LRRC19: variants seen among roughly 807,000 people sequenced by gnomAD.
LRRC19 encodes leucine-rich repeat-containing protein 19.
Under a neutral mutation model 33.3 loss-of-function variants are expected in LRRC19, and 33 were observed. The observed-to-expected ratio is 0.99, with a 90% CI of 0.75 to 1.33. LRRC19 has a LOEUF of 1.33. Ranked by LOEUF, LRRC19 falls within the 40% of genes most tolerant of loss-of-function variation. The probability of loss-of-function intolerance (pLI) is 0.00; values close to 1 mark genes in which losing one functional copy is unlikely to be tolerated. For synonymous variants in LRRC19, 184 were observed against 152.3 expected (o/e 1.21, Z -1.53); for missense variants, 463 against 417.3 (o/e 1.11, Z -0.95).
rs760597069 is a variant in LRRC19, at chr9:26,993,901, T to C, written c.*1620A>G. 1 of 152,208 alleles carries C rather than the reference T, an allele frequency of 6.6e-6. No individual in the cohort carries two copies. The highest frequency in any genetic ancestry group is 1.5e-5 in the Non-Finnish European group (1 of 68,022). The allele number at this position is 152,208 out of a possible 1,614,324, so 9.4% of individuals were successfully genotyped here. A position where few individuals can be genotyped will look rare whatever the true frequency, so the allele number is the denominator to read the frequency against. On this transcript the variant is annotated 3_prime_UTR_variant, in exon 5 of 5. Transcript: ENST00000380055. ...ATTATTTCAGAGATATACATATTTG[T>C]AAAAGATGTAAATTCTTAATTTCTC...
At chr9:27,002,203 C>T (rs1240115478) in intron 1 of LRRC19, among the ~76,000 whole-genome samples, 1 of 152,198 alleles carries the variant, frequency 6.6e-6, no homozygotes, top group Non-Finnish European at 1.5e-5. Context: ...GCCATTTTGG[C>T]TCACTGCAAC....
intron 4 of LRRC19, 92 bp downstream of exon 4, chr9:26,996,219 A>AT (rs1282213772): frequency 1.3e-4 from 107 of 828,614 alleles, no homozygotes; most frequent in Non-Finnish European, 1.7e-4. Context: ...TTTCTTTTAC[A>AT]TTTTTTATAC....
At chr9:27,004,438 C>T (rs1157804680) in intron 1 of LRRC19, among the ~76,000 whole-genome samples, 2 of 152,146 alleles carry the variant, frequency 1.3e-5, no homozygotes. Context: ...TGAGAGTTTT[C>T]ACATATTTGT....
At chr9:26,998,623 T>C (rs897966847) in intron 2 of LRRC19, among the ~76,000 whole-genome samples, 2 of 152,202 alleles carry the variant, frequency 1.3e-5, no homozygotes, top group Admixed American at 6.5e-5. Flanking sequence ...AGTGAGGAAA[T>C]TATTTTAAAC....
chr9:26,998,661 TAAC>T (rs1474658270), intron 2 of LRRC19, among the ~76,000 whole-genome samples: 2 of 152,166 alleles, frequency 1.3e-5, no homozygotes, highest in African/African-American at 4.8e-5. Flanking sequence ...TCAGCAGAGC[TAAC>T]AACATTATAC....
At position 26,994,353 on chromosome 9, in the gene LRRC19, A is replaced by T. The variant is rs927466690; in HGVS notation, c.*1168T>A. The T allele has an allele frequency of 6.6e-6, 1 of 152,088 alleles. No homozygotes were observed. Among genetic ancestry groups the T allele is most frequent in the African/African-American group, 2.4e-5 (1 of 41,392 alleles). 9.4% of individuals were successfully genotyped at this position (152,088 alleles called of 1,614,324 possible). A position where few individuals can be genotyped will look rare whatever the true frequency, so the allele number is the denominator to read the frequency against. ...GGCGTTCGAGACCAGCCTGGCCAAC[A>T]TGGTGAAACCCTGTCTCTACTAAAA... is the stretch of plus-strand genomic sequence containing the variant. On this transcript the variant is annotated 3_prime_UTR_variant, in exon 5 of 5. Coordinates refer to ENST00000380055, the MANE Select transcript of LRRC19 (RefSeq NM_022901.3).
intron 1 of LRRC19, among the ~76,000 whole-genome samples, chr9:27,000,448 CTG>C (rs894167539): frequency 1.4e-4 from 22 of 152,234 alleles, no homozygotes; most frequent in African/African-American, 4.6e-4. Flanking sequence ...TGACTTAAAA[CTG>C]TGGGAGATGA....
rs1457857861 is a variant in LRRC19, at chr9:26,997,906, A to G, written c.417T>C (p.Asp139=). The G allele has an allele frequency of 5.0e-6, 8 of 1,614,040 alleles. No individual in the cohort carries two copies. Among genetic ancestry groups the G allele is most frequent in the Non-Finnish European group, 5.9e-6 (7 of 1,180,018 alleles). Residue 139 remains aspartate (D), a synonymous_variant, in exon 3 of 5, where the codon GAT becomes GAC. Transcript: ENST00000380055. ...CQNKIEQLNA[D]VFVPLRSLKL... is the part of the protein sequence containing the mutation. The stretch of plus-strand genomic sequence containing the variant: ...TTAGGCTTCTTAGAGGCACAAATAC[A>G]TCAGCATTCAGTTGTTCTATTTTGT...
chr9:26,995,690 G>A lies in LRRC19; in HGVS notation c.944C>T (p.Thr315Ile), dbSNP rs762614812. The A allele has an allele frequency of 1.6e-5, 26 of 1,613,668 alleles. No individual in the cohort carries two copies. Among genetic ancestry groups the A allele is most frequent in the Admixed American group, 1.3e-4 (8 of 59,974 alleles). Residue 315 changes from threonine to isoleucine, a missense_variant, in exon 5 of 5, where the codon ACC becomes ATC. Physicochemically the swap from Thr to Ile is moderately conservative, Grantham distance 89 (BLOSUM62 -1). Coordinates refer to ENST00000380055, the MANE Select transcript of LRRC19 (RefSeq NM_022901.3). ...ATTTCCAGTAAAACCATCTTCATAG[G>A]TTTCTGCTTCATGCTCTTCCAGGCG... ...HHRLEEHEAE[T>I]YEDGFTGNPS...
rs546364931 is a variant in LRRC19, at chr9:26,993,747, C to T, written c.*1774G>A. The T allele has an allele frequency of 1.3e-5, 2 of 152,266 alleles. No individual in the cohort carries two copies. Among genetic ancestry groups the T allele is most frequent in the Admixed American group, 6.5e-5 (1 of 15,290 alleles). The allele number at this position is 152,266 out of a possible 1,614,324, so 9.4% of individuals were successfully genotyped here. ...ATACACAGAAGTAGCATATTATACC[C>T]TTATTTAGCTCCCAGCTCCATCAGC... On this transcript the variant is annotated 3_prime_UTR_variant, in exon 5 of 5. Transcript: ENST00000380055.
At chr9:26,997,182 A>C (rs1466083071) in intron 3 of LRRC19, among the ~76,000 whole-genome samples, 1 of 151,420 alleles carries the variant, frequency 6.6e-6, no homozygotes, top group Non-Finnish European at 1.5e-5. Context: ...AATGCATTCC[A>C]GCCTGGGTAA....
chr9:27,001,091 A>T (rs1047475352), intron 1 of LRRC19, among the ~76,000 whole-genome samples: 1 of 152,126 alleles, frequency 6.6e-6, no homozygotes. Flanking sequence ...TTCACTTGAC[A>T]TAATGACCTC....
At chr9:27,000,245 T>C (rs185173898) in intron 1 of LRRC19, among the ~76,000 whole-genome samples, 4 of 152,322 alleles carry the variant, frequency 2.6e-5, no homozygotes, top group Admixed American at 6.5e-5. Context: ...TGTGTCTCAT[T>C]AGTTTCTAGA....
At chr9:27,003,378 C>G (rs1158082156) in intron 1 of LRRC19, among the ~76,000 whole-genome samples, 1 of 152,034 alleles carries the variant, frequency 6.6e-6, no homozygotes, top group Non-Finnish European at 1.5e-5. Context: ...CAAAAATTAG[C>G]CGGGTGCAGT....
chr9:27,000,708 A>G (rs1390524151), intron 1 of LRRC19, among the ~76,000 whole-genome samples: 3 of 152,206 alleles, frequency 2.0e-5, no homozygotes, highest in Admixed American at 6.5e-5. Flanking sequence ...GAGCATCAGA[A>G]AATAGCTAAT....
chr9:27,003,294 G>A (rs892745392), intron 1 of LRRC19, among the ~76,000 whole-genome samples: 4 of 151,830 alleles, frequency 2.6e-5, no homozygotes, highest in Admixed American at 6.6e-5. Context: ...AGGCCGAGGC[G>A]GGCAGATCAC....
rs144854513 is a variant in LRRC19 at position 26,995,722 on chromosome 9, A to G, written c.912T>C (p.Asn304=). The change falls in exon 5 of 5, where the codon AAT becomes AAC. Residue 304 remains asparagine, a synonymous_variant. Coordinates refer to ENST00000380055, the MANE Select transcript of LRRC19 (RefSeq NM_022901.3). The stretch of plus-strand genomic sequence containing the variant: ...CTTCATGCTCTTCCAGGCGATGATG[A>G]TTATAACTAAGCAGAATATTGTACC... ...PIWYNILLSY[N]HHRLEEHEAE... 3 of 1,613,886 alleles carry G rather than the reference A, an allele frequency of 1.9e-6. No individual in the cohort carries two copies. The African/African-American group carries it at 4.0e-5, about 22-fold the overall frequency.
intron 1 of LRRC19, among the ~76,000 whole-genome samples, chr9:27,003,061 C>T (rs572331360): frequency 1.3e-5 from 2 of 152,132 alleles, no homozygotes; most frequent in African/African-American, 4.8e-5. Context: ...CGTAAACAGG[C>T]TTGCTTTCTT....
In LRRC19 at chr9:26,998,227, A is replaced by G. The variant is rs1247015419; in HGVS notation, c.96T>C (p.Asn32=). 6.8e-7 allele frequency: 1 copy of G among 1,473,994 alleles called. No individual in the cohort carries two copies. The highest frequency in any genetic ancestry group is 9.1e-7 in the Non-Finnish European group (1 of 1,099,372). The allele number at this position is 1,473,994 out of a possible 1,614,324, so 91.3% of individuals were successfully genotyped here. The part of the protein sequence containing the change: ...IQSSKREVQC[N]FTEKNYTLIP... ...TCAAGGTATAATTTTTTTCAGTAAA[A>G]TTACATTGGACTTCCTAGAAAAACA... The change falls in exon 3 of 5, where the codon AAT becomes AAC. Residue 32 remains asparagine, a synonymous_variant. Transcript: ENST00000380055.
Sources: gnomAD v4.1 joint callset for allele counts (sites outside exome capture counted in the v4.1 genomes callset) on GRCh38, gnomAD v4.1.1 for gene constraint, MANE v1.5 for transcripts, NCBI Gene and HGNC (gene_info 2026-07-23, HGNC 2026-07-21) for gene names.